CLDN16: variants seen among roughly 807,000 people sequenced by gnomAD.
CLDN16 encodes the protein claudin 16, also known as claudin-16.
A neutral mutation model predicts 24.6 loss-of-function variants in CLDN16; 13 were observed. The observed-to-expected ratio is 0.53, with a 90% CI of 0.34 to 0.84. The LOEUF (loss-of-function observed/expected upper bound fraction) is 0.84. CLDN16 is among the 40% of genes least tolerant of loss of function. The pLI is 0.01. For synonymous variants in CLDN16, 116 were observed against 106.7 expected (o/e 1.09, Z -0.54); for missense variants, 298 against 292.7 (o/e 1.02, Z -0.13).
chr3:190,323,025 C>CACACACACACACACACACACACACACAA (rs559057976), intron 1 of CLDN16, among the ~76,000 whole-genome samples: 17 of 151,416 alleles, frequency 1.1e-4, no homozygotes, highest in African/African-American at 3.9e-4. Context: ...CACACACACA[C>CACACACACACACACACACACACACACAA]ACAGACACAC....
intron 3 of CLDN16, among the ~76,000 whole-genome samples, chr3:190,407,353 A>G (rs1719132083): frequency 6.6e-6 from 1 of 152,138 alleles, no homozygotes; most frequent in Non-Finnish European, 1.5e-5. Context: ...AGATCTTAAC[A>G]CTAACGTTGA....
chr3:190,351,111 C>G (rs1463375015), intron 1 of CLDN16, among the ~76,000 whole-genome samples: 1 of 149,242 alleles, frequency 6.7e-6, no homozygotes, highest in Non-Finnish European at 1.5e-5. Flanking sequence ...ACTGTGCACT[C>G]CCCCCCACCC....
At chr3:190,371,397 C>G (rs556041168) in intron 2 of CLDN16, among the ~76,000 whole-genome samples, 1 of 151,776 alleles carries the variant, frequency 6.6e-6, no homozygotes, top group Non-Finnish European at 1.5e-5. Context: ...TGCTGTCTCA[C>G]GCTTCCAAAC....
intron 1 of CLDN16, among the ~76,000 whole-genome samples, chr3:190,366,866 G>A (rs963204858): frequency 4.0e-5 from 6 of 151,874 alleles, no homozygotes; most frequent in African/African-American, 1.4e-4. Flanking sequence ...TCTTATTCCT[G>A]CAGAGGGATT....
chr3:190,349,593 T>C (rs1717628033), intron 1 of CLDN16, among the ~76,000 whole-genome samples: 1 of 152,204 alleles, frequency 6.6e-6, no homozygotes, highest in Non-Finnish European at 1.5e-5. Context: ...ACTGTTTTTG[T>C]CTATAAAAGG....
rs563857930 is a variant in CLDN16 at position 190,406,708 on chromosome 3, G to A, written c.383-1606G>A. Among the ~76,000 whole-genome samples, 70 of 146,898 alleles carry A rather than the reference G, an allele frequency of 4.8e-4. 1 individual carries two copies. The highest frequency in any genetic ancestry group is 1.6e-3 in the African/African-American group (65 of 40,054). ...GCAATGCTATTGCAATATATACTGC[G>A]TTTTCTAAAGGTTATGTGTTTATTA... On this transcript the variant is annotated intron_variant, in intron 3 of 4. Coordinates refer to ENST00000264734, the MANE Select transcript of CLDN16 (RefSeq NM_006580.4).
chr3:190,316,423 G>A, the CLDN16 span, among the ~76,000 whole-genome samples: 3 of 152,192 alleles, frequency 2.0e-5, no homozygotes, highest in Admixed American at 6.5e-5. Flanking sequence ...ATATACACAT[G>A]TAGTCACGCA....
the CLDN16 span, among the ~76,000 whole-genome samples, chr3:190,298,544 C>G: frequency 6.6e-6 from 1 of 151,650 alleles, no homozygotes; most frequent in East Asian, 2.0e-4. Context: ...CAACCTCCGC[C>G]TCCTGGGTTC....
At chr3:190,345,796 T>C (rs1477670470) in intron 1 of CLDN16, among the ~76,000 whole-genome samples, 3 of 152,234 alleles carry the variant, frequency 2.0e-5, no homozygotes, top group Non-Finnish European at 4.4e-5. Flanking sequence ...TGACTTTCAG[T>C]TTGTCCCAGG....
intron 1 of CLDN16, among the ~76,000 whole-genome samples, chr3:190,323,441 T>A (rs2108617936): frequency 1.3e-5 from 2 of 152,338 alleles, no homozygotes; most frequent in South Asian, 4.1e-4. Context: ...TCGGTCTCGC[T>A]GGGACTGTAG....
At chr3:190,308,508 A>G in the CLDN16 span, 1 of 1,385,308 alleles carries the variant, frequency 7.2e-7, no homozygotes, top group Non-Finnish European at 1.0e-6. Flanking sequence ...TAATAAAAGG[A>G]AAAAAAATCA....
chr3:190,408,865 T>C (rs906010861), intron 4 of CLDN16, among the ~76,000 whole-genome samples: 1 of 148,182 alleles, frequency 6.7e-6, no homozygotes, highest in African/African-American at 2.5e-5. Flanking sequence ...ATAGTATATA[T>C]ACTATATATA....
At chr3:190,373,883 G>A (rs751406220) in intron 2 of CLDN16, among the ~76,000 whole-genome samples, 4 of 151,444 alleles carry the variant, frequency 2.6e-5, no homozygotes, top group Non-Finnish European at 4.4e-5. Context: ...TGTTTTGGTG[G>A]TCTGGCAAGA....
chr3:190,388,755 T>C (rs1718574240), intron 1 of CLDN16, among the ~76,000 whole-genome samples: 1 of 152,202 alleles, frequency 6.6e-6, no homozygotes, highest in South Asian at 2.1e-4. Flanking sequence ...CGTCTTCCAT[T>C]GCTGCATATA....
At chr3:190,303,076 TTAA>T in the CLDN16 span, among the ~76,000 whole-genome samples, 2 of 152,100 alleles carry the variant, frequency 1.3e-5, no homozygotes, top group African/African-American at 4.8e-5. Context: ...ACTTTCTTCA[TTAA>T]TAAGTTTTAA....
chr3:190,329,462 G>T (rs1396464579), intron 1 of CLDN16, among the ~76,000 whole-genome samples: 1 of 152,152 alleles, frequency 6.6e-6, no homozygotes, highest in African/African-American at 2.4e-5. Context: ...TTTCAGAGAG[G>T]AAGGAGAAGC....
intron 1 of CLDN16, among the ~76,000 whole-genome samples, chr3:190,391,062 T>C (rs1718645890): frequency 6.6e-6 from 1 of 152,092 alleles, no homozygotes; most frequent in African/African-American, 2.4e-5. Flanking sequence ...ACTGGGATTA[T>C]AGGAGTGAAC....
chr3:190,304,542 G>A, the CLDN16 span, among the ~76,000 whole-genome samples: 5 of 152,092 alleles, frequency 3.3e-5, no homozygotes, highest in Non-Finnish European at 5.9e-5. Flanking sequence ...AGTTTCCAGA[G>A]GTTCAGCATT....
intron 1 of CLDN16, among the ~76,000 whole-genome samples, chr3:190,360,714 T>G (rs542415445): frequency 3.3e-5 from 5 of 152,078 alleles, no homozygotes; most frequent in African/African-American, 1.2e-4. Flanking sequence ...GATTAACTTT[T>G]TTTTCTCCAT....
Sources: allele counts gnomAD v4.1 joint callset (sites outside exome capture counted in the v4.1 genomes callset), GRCh38; gene constraint gnomAD v4.1.1; transcripts MANE v1.5; gene names NCBI Gene and HGNC (gene_info 2026-07-23, HGNC 2026-07-21).